IQSEC1: variants seen among roughly 807,000 people sequenced by gnomAD.
IQSEC1 encodes IQ motif and Sec7 domain ArfGEF 1, also known as IQ motif and SEC7 domain-containing protein 1.
A neutral mutation model predicts 91.0 loss-of-function variants in IQSEC1; 31 were observed. The observed-to-expected ratio is 0.34, with a 90% CI of 0.26 to 0.46. The LOEUF is 0.46. IQSEC1 is among the 20% of genes least tolerant of loss of function. The pLI is 1.00. For synonymous variants in IQSEC1, 699 were observed against 662.6 expected (o/e 1.05, Z -0.84); for missense variants, 1,388 against 1,575.6 (o/e 0.88, Z 2.02).
Position 12,899,378 on chromosome 3 carries a change from G to A in IQSEC1, c.*1605C>T, listed in dbSNP as rs367989665. On this transcript the variant is annotated 3_prime_UTR_variant, in exon 14 of 14. Coordinates refer to ENST00000613206, the MANE Select transcript of IQSEC1 (RefSeq NM_001134382.3). Reference sequence around the variant, plus strand: ...GGGCAGGCGCCGGGGGGCAGTCCTCGGGTCCCATGGCTTAGGAGCACAGCA... The same window carrying A: ...GGGCAGGCGCCGGGGGGCAGTCCTCAGGTCCCATGGCTTAGGAGCACAGCA... 2.0e-4 allele frequency: 327 copies of A among 1,612,626 alleles called. No individual in the cohort carries two copies. Among genetic ancestry groups the A allele is most frequent in the Middle Eastern group, 1.3e-3 (8 of 6,078 alleles).
intron 2 of IQSEC1, among the ~76,000 whole-genome samples, chr3:13,160,058 A>G (rs1707148226): frequency 6.6e-6 from 1 of 152,208 alleles, no homozygotes; most frequent in African/African-American, 2.4e-5. Context: ...CAAAATGGTC[A>G]AAAAATGAGT....
At chr3:12,996,104 C>T (rs541663075) in intron 1 of IQSEC1, among the ~76,000 whole-genome samples, 94 of 152,120 alleles carry the variant, frequency 6.2e-4, no homozygotes, top group African/African-American at 1.7e-3. Context: ...AAGGTTATTG[C>T]GAGCTATCAT....
Position 13,084,575 on chromosome 3 carries a change from G to A in IQSEC1, c.303-37053C>T, listed in dbSNP as rs113978320. The stretch of plus-strand genomic sequence containing the variant: ...ATGACGGGTGCCATGATGGCCCTGG[G>A]CACTCTGATGGCAGAAACAGTGTCA... On this transcript the variant is annotated intron_variant, in intron 2 of 15. Transcript: ENST00000648114. Among the ~76,000 whole-genome samples the A allele has an allele frequency of 6.1e-3, 922 of 152,292 alleles. 13 individuals are homozygous for A. The highest frequency in any genetic ancestry group is 0.027 in the Admixed American group (417 of 15,300).
intron 1 of IQSEC1, among the ~76,000 whole-genome samples, chr3:12,943,821 TA>T (rs1698979711): frequency 6.6e-6 from 1 of 152,202 alleles, no homozygotes; most frequent in Non-Finnish European, 1.5e-5. Flanking sequence ...GCCCAGGTGG[TA>T]GGGAGTGACG....
chr3:13,112,686 C>T (rs936618415), intron 2 of IQSEC1, among the ~76,000 whole-genome samples: 7 of 152,184 alleles, frequency 4.6e-5, no homozygotes, highest in Non-Finnish European at 1.0e-4. Flanking sequence ...GGCTGCAGGG[C>T]CAGGGAGCTG....
chr3:13,225,319 G>A (rs913741943), intron 1 of IQSEC1, among the ~76,000 whole-genome samples: 3 of 152,188 alleles, frequency 2.0e-5, no homozygotes, highest in South Asian at 2.1e-4. Context: ...ATGGTACTTC[G>A]GATAACACTA....
At chr3:13,242,229 G>T (rs1695032544) in intron 1 of IQSEC1, among the ~76,000 whole-genome samples, 1 of 152,176 alleles carries the variant, frequency 6.6e-6, no homozygotes, top group Non-Finnish European at 1.5e-5. Flanking sequence ...CTGGTCTCCA[G>T]GTCTCCGCGG....
At position 12,901,378 on chromosome 3, in the gene IQSEC1, C is replaced by T. The variant is rs202035528; in HGVS notation, c.2950G>A (p.Ala984Thr). The T allele has an allele frequency of 2.7e-3, 4,153 of 1,539,398 alleles. 34 individuals carry two copies. Among genetic ancestry groups the T allele is most frequent in the Admixed American group, 0.017 (843 of 50,822 alleles). Reference sequence around the variant, plus strand: ...AGGGCTGGGGCTGAGGGCAGGTGGGCCTGGGGAGGGGGCTTCCCTCTCTTG... The same window carrying T: ...AGGGCTGGGGCTGAGGGCAGGTGGGTCTGGGGAGGGGGCTTCCCTCTCTTG... ...GSKRGKPPPQ[A>T]HLPSAPALPP... The change falls in exon 14 of 14, where the codon GCC (alanine) becomes ACC (threonine). Residue 984 changes from alanine to threonine, a missense_variant. Transcript: ENST00000613206.
chr3:13,268,435 C>G (rs1435462374), intron 1 of IQSEC1, among the ~76,000 whole-genome samples: 1 of 152,202 alleles, frequency 6.6e-6, no homozygotes, highest in African/African-American at 2.4e-5. Flanking sequence ...GCCAGGGAAG[C>G]TGCTGTCTCC....
In IQSEC1 at chr3:13,021,303, G is replaced by A. The variant is rs1201875776; in HGVS notation, c.23+51689C>T. ...TGGTGTCCCCTCCCCAGGGGGCCAA[G>A]GAGCTCTGCTCCACCCTTTCATTCT... On this transcript the variant is annotated intron_variant, in intron 1 of 13. Transcript: ENST00000613206. Among the ~76,000 whole-genome samples, 4 of 152,302 alleles carry A rather than the reference G, an allele frequency of 2.6e-5. No homozygotes were observed. The South Asian group carries it at 8.3e-4, about 32-fold the overall frequency.
intron 1 of IQSEC1, among the ~76,000 whole-genome samples, chr3:13,185,694 G>C (rs1469836612): frequency 6.6e-6 from 1 of 152,240 alleles, no homozygotes; most frequent in Non-Finnish European, 1.5e-5. Context: ...CACAGAGGAA[G>C]GGGGTTGTCT....
At chr3:13,030,639 G>C (rs1703809342) in intron 1 of IQSEC1, among the ~76,000 whole-genome samples, 1 of 152,230 alleles carries the variant, frequency 6.6e-6, no homozygotes, top group African/African-American at 2.4e-5. Flanking sequence ...CCTTCAATGA[G>C]TACTGCAAGG....
chr3:13,086,189 C>G (rs1705731369), intron 2 of IQSEC1, among the ~76,000 whole-genome samples: 1 of 152,226 alleles, frequency 6.6e-6, no homozygotes, highest in Non-Finnish European at 1.5e-5. Flanking sequence ...GGGCAAGGGG[C>G]TGCTGACTCT....
chr3:12,902,670 C>CA (rs1213830618), intron 13 of IQSEC1, 103 bp downstream of exon 13: 3,058 of 191,672 alleles, frequency 0.016, 7 homozygotes, highest in East Asian at 0.059. Flanking sequence ...AAAAAAAAAC[C>CA]AAAAAAAAAA....
At chr3:13,266,999 G>T (rs987619754) in intron 1 of IQSEC1, among the ~76,000 whole-genome samples, 3 of 151,726 alleles carry the variant, frequency 2.0e-5, no homozygotes, top group Non-Finnish European at 4.4e-5. Flanking sequence ...TACTCGATTG[G>T]ACCTTGCTGT....
intron 1 of IQSEC1, among the ~76,000 whole-genome samples, chr3:13,007,434 AC>A (rs1283998813): frequency 6.6e-6 from 1 of 152,078 alleles, no homozygotes; most frequent in Non-Finnish European, 1.5e-5. Context: ...TACCTGCCCC[AC>A]CCACTGCACC....
At chr3:13,132,569 C>T (rs1706638190) in intron 2 of IQSEC1, among the ~76,000 whole-genome samples, 1 of 152,238 alleles carries the variant, frequency 6.6e-6, no homozygotes, top group Admixed American at 6.5e-5. Flanking sequence ...AGCTCCTCAA[C>T]TCAGAGTTCT....
intron 1 of IQSEC1, among the ~76,000 whole-genome samples, chr3:12,982,061 G>A (rs1032450721): frequency 2.6e-5 from 4 of 152,202 alleles, no homozygotes; most frequent in Non-Finnish European, 5.9e-5. Context: ...CTGCCACATG[G>A]GGCCCACATG....
At chr3:13,061,204 AT>A (rs1217589366) in intron 1 of IQSEC1, among the ~76,000 whole-genome samples, 5 of 152,140 alleles carry the variant, frequency 3.3e-5, no homozygotes, top group Admixed American at 3.3e-4. Flanking sequence ...AGATGGGGAC[AT>A]GGGGACAGAG....
Sources: gnomAD v4.1 joint callset for allele counts (sites outside exome capture counted in the v4.1 genomes callset) on GRCh38, gnomAD v4.1.1 for gene constraint, MANE v1.5 for transcripts, NCBI Gene and HGNC (gene_info 2026-07-23, HGNC 2026-07-21) for gene names.